Variants in DENND5A observed in about 807,000 individuals in gnomAD.
The protein encoded by DENND5A is DENN domain-containing protein 5A.
A neutral mutation model predicts 140.3 loss-of-function variants in DENND5A; 64 were observed. The ratio of observed to expected loss-of-function variants is 0.46; its 90% CI spans 0.37 to 0.56. DENND5A has a LOEUF of 0.56. Among genes scored for constraint, DENND5A ranks in the 20% least tolerant of loss-of-function variants. The probability of loss-of-function intolerance (pLI) is 0.00; values close to 1 mark genes in which losing one functional copy is unlikely to be tolerated. For missense variants in DENND5A, 1,292 were observed against 1,593.8 expected (o/e 0.81, Z 3.22); for synonymous variants, 605 against 607.7 (o/e 1.00, Z 0.07).
At chr11:9,241,818 C>T (rs1851245054) in intron 1 of DENND5A, among the ~76,000 whole-genome samples, 1 of 151,966 alleles carries the variant, frequency 6.6e-6, no homozygotes, top group Admixed American at 6.6e-5. Context: ...AGTTCAATAC[C>T]AGCCTGATAA....
chr11:9,182,256 C>T (rs991478350), intron 5 of DENND5A, among the ~76,000 whole-genome samples: 4 of 152,180 alleles, frequency 2.6e-5, no homozygotes, highest in African/African-American at 9.7e-5. Context: ...GCAGAGGTTA[C>T]AGTAAGCTGA....
At chr11:9,238,993 G>A (rs1225520878) in intron 1 of DENND5A, among the ~76,000 whole-genome samples, 4 of 150,936 alleles carry the variant, frequency 2.7e-5, no homozygotes, top group Non-Finnish European at 5.9e-5. Context: ...CACCACACCC[G>A]GCTAATTTTT....
chr11:9,165,738 G>C lies in DENND5A; in HGVS notation c.2283+98C>G, dbSNP rs1848166866. The C allele has an allele frequency of 2.1e-6, 3 of 1,408,726 alleles. No homozygotes were observed. The African/African-American group carries it at 4.3e-5, about 20-fold the overall frequency. 87.3% of individuals were successfully genotyped at this position (1,408,726 alleles called of 1,614,324 possible). A position where few individuals can be genotyped will look rare whatever the true frequency, so the allele number is the denominator to read the frequency against. On this transcript the variant is annotated intron_variant, in intron 11 of 22. Transcript: ENST00000328194. ...CATGAGCCATCACGCCCAGCCAACAGTATTTTTAAAATCCAGAGGGAGTGG... is the reference window on the plus strand; with the variant it reads ...CATGAGCCATCACGCCCAGCCAACACTATTTTTAAAATCCAGAGGGAGTGG...
At chr11:9,193,894 A>C (rs1188824089) in intron 4 of DENND5A, among the ~76,000 whole-genome samples, 1 of 152,228 alleles carries the variant, frequency 6.6e-6, no homozygotes, top group Non-Finnish European at 1.5e-5. Context: ...ATAAACCTAC[A>C]CACACAGGTC....
At chr11:9,150,050 C>T (rs112168308) in intron 15 of DENND5A, 31 bp downstream of exon 15, 1 of 1,590,386 alleles carries the variant, frequency 6.3e-7, no homozygotes. Context: ...TTCCTGGGAG[C>T]CTGCTTCTAC....
chr11:9,234,748 G>A (rs1037689290), intron 1 of DENND5A, among the ~76,000 whole-genome samples: 2 of 152,208 alleles, frequency 1.3e-5, no homozygotes, highest in African/African-American at 4.8e-5. Flanking sequence ...TCCTGCTGTA[G>A]ATAACTAGCC....
intron 1 of DENND5A, among the ~76,000 whole-genome samples, chr11:9,259,281 A>T (rs995335992): frequency 2.6e-5 from 4 of 151,270 alleles, no homozygotes; most frequent in Non-Finnish European, 5.9e-5. Flanking sequence ...ACAACAGGCC[A>T]GGCGTGGTGA....
intron 3 of DENND5A, among the ~76,000 whole-genome samples, chr11:9,205,688 T>C (rs1418969875): frequency 6.6e-6 from 1 of 152,090 alleles, no homozygotes; most frequent in Non-Finnish European, 1.5e-5. Flanking sequence ...AGCCCAGGAA[T>C]TTGAGAACAG....
intron 2 of DENND5A, chr11:9,207,187 A>T (rs1441146482): frequency 1.7e-5 from 8 of 467,884 alleles, no homozygotes; most frequent in African/African-American, 4.0e-5. Context: ...AATTCAGAAT[A>T]AACTATGCAT....
intron 9 of DENND5A, 94 bp downstream of exon 9, chr11:9,170,533 C>A: frequency 6.8e-7 from 1 of 1,464,046 alleles, no homozygotes. Flanking sequence ...TAGAAAAGTA[C>A]AAGGTCTTCT....
chr11:9,148,237 T>G (rs1847496498), intron 15 of DENND5A, among the ~76,000 whole-genome samples: 1 of 151,892 alleles, frequency 6.6e-6, no homozygotes, highest in Admixed American at 6.6e-5. Flanking sequence ...ACAACTGTTG[T>G]ACAGACAGGT....
chr11:9,187,959 C>A (rs1018951635), intron 5 of DENND5A, among the ~76,000 whole-genome samples: 1 of 152,156 alleles, frequency 6.6e-6, no homozygotes, highest in African/African-American at 2.4e-5. Flanking sequence ...GGAGAAAGTC[C>A]TTTTTATAAA....
intron 5 of DENND5A, among the ~76,000 whole-genome samples, chr11:9,192,538 G>C (rs1469314241): frequency 6.6e-6 from 1 of 151,360 alleles, no homozygotes; most frequent in South Asian, 2.1e-4. Context: ...TGAAGCAGGA[G>C]AATCACTTGA....
chr11:9,204,450 C>T, intron 3 of DENND5A, 133 bp from the exon 4 acceptor site: 1 of 799,048 alleles, frequency 1.3e-6, no homozygotes, highest in Non-Finnish European at 1.9e-6. Flanking sequence ...CTCTCTCTTT[C>T]TAATGCAAGA....
chr11:9,188,369 C>T (rs1848993991), intron 5 of DENND5A, among the ~76,000 whole-genome samples: 5 of 152,168 alleles, frequency 3.3e-5, no homozygotes, highest in African/African-American at 9.7e-5. Context: ...TTATCAGCAA[C>T]ATGAGAAAAG....
chr11:9,236,765 AAAGGAAGG>A (rs147201517), intron 1 of DENND5A, among the ~76,000 whole-genome samples: 1 of 151,842 alleles, frequency 6.6e-6, no homozygotes, highest in African/African-American at 2.4e-5. Context: ...GTGAGAGCAA[AAAGGAAGG>A]AAGGAAGGAA....
At chr11:9,209,933 C>T (rs150979899) in intron 1 of DENND5A, among the ~76,000 whole-genome samples, 4 of 152,066 alleles carry the variant, frequency 2.6e-5, no homozygotes, top group African/African-American at 9.6e-5. Flanking sequence ...TGGTGAAACC[C>T]CATCTCTACT....
At chr11:9,186,002 G>GT (rs1177723464) in intron 5 of DENND5A, among the ~76,000 whole-genome samples, 2 of 152,170 alleles carry the variant, frequency 1.3e-5, no homozygotes, top group Non-Finnish European at 2.9e-5. Flanking sequence ...AAGGGTAGGC[G>GT]TAAGTCCAGC....
intron 1 of DENND5A, among the ~76,000 whole-genome samples, chr11:9,254,160 A>G (rs923229342): frequency 0.011 from 274 of 25,606 alleles, 1 homozygote; most frequent in Middle Eastern, 0.031. Context: ...CTGTCTCAGA[A>G]AAAAAAAAAA....
Sources: allele counts gnomAD v4.1 joint callset (sites outside exome capture counted in the v4.1 genomes callset), GRCh38; gene constraint gnomAD v4.1.1; transcripts MANE v1.5; gene names NCBI Gene and HGNC (gene_info 2026-07-23, HGNC 2026-07-21).